TATDN2: variants seen among roughly 807,000 people sequenced by gnomAD.
The protein encoded by TATDN2 is 3'-5' RNA nuclease TATDN2.
Under a neutral mutation model 60.3 loss-of-function variants are expected in TATDN2, and 44 were observed. That is an observed-to-expected ratio of 0.73 (90% CI 0.57 to 0.94). TATDN2 has a LOEUF of 0.94. Among genes scored for constraint, TATDN2 ranks in the 40% least tolerant of loss-of-function variants. The pLI, the probability that TATDN2 is intolerant of heterozygous loss-of-function variation, is 0.00. For missense variants in TATDN2, 997 were observed against 948.0 expected (o/e 1.05, Z -0.68); for synonymous variants, 399 against 355.8 (o/e 1.12, Z -1.37).
At chr3:10,257,838 ATGAT>A (rs1698334381) in intron 2 of TATDN2, among the ~76,000 whole-genome samples, 1 of 49,254 alleles carries the variant, frequency 2.0e-5, no homozygotes, top group Non-Finnish European at 5.4e-5. Flanking sequence ...CTAAAGGTTT[ATGAT>A]TTTTTTTTTT....
At position 10,257,244 on chromosome 3, in the gene TATDN2, C is replaced by G. The variant is rs562968615; in HGVS notation, c.415-2893C>G. Among the ~76,000 whole-genome samples, 3 of 150,228 alleles carry G rather than the reference C, an allele frequency of 2.0e-5. No homozygotes were observed. In the South Asian group the frequency reaches 6.4e-4, roughly 32 times the overall value. On this transcript the variant is annotated intron_variant, in intron 2 of 7. Coordinates refer to ENST00000448281, the MANE Select transcript of TATDN2 (RefSeq NM_014760.4). ...GAGGTTGCAGCGAGCTGAGGTTACA[C>G]CCCGCACTCCAGCCTGGACAACAGA...
chr3:10,257,859 TTTTTTTTTTTTTTTTTTG>T lies in TATDN2; in HGVS notation c.415-2277_415-2260del, dbSNP rs1375148029. Among the ~76,000 whole-genome samples the T allele has an allele frequency of 2.0e-4, 19 of 93,444 alleles. No individual in the cohort carries two copies. The East Asian group carries it at 5.8e-3, about 28-fold the overall frequency. 61.3% of individuals were successfully genotyped at this position (93,444 alleles called of 152,430 possible). A position where few individuals can be genotyped will look rare whatever the true frequency, so the allele number is the denominator to read the frequency against. On this transcript the variant is annotated intron_variant, in intron 2 of 7. Transcript: ENST00000448281. ...GTTTATGATTTTTTTTTTTTTTTTTTTTTTTTTTTTTTTTTTTGGGAGATGGAGTCTTACTCTGTAGCC... is the reference window on the plus strand; with the variant it reads ...GTTTATGATTTTTTTTTTTTTTTTTTGGAGATGGAGTCTTACTCTGTAGCC...
intron 3 of TATDN2, among the ~76,000 whole-genome samples, chr3:10,266,923 A>G (rs1479850691): frequency 1.6e-5 from 2 of 123,400 alleles, no homozygotes; most frequent in Non-Finnish European, 3.5e-5. Flanking sequence ...TAAACTAACT[A>G]AGGCAGTCTT....
rs1177078074 is a variant in TATDN2 at position 10,270,300 on chromosome 3, A to G, written c.1118A>G (p.His373Arg). Reference protein sequence around the residue: ...FTTDYVMYPPHLYSSPWCDYA... With the variant: ...FTTDYVMYPPRLYSSPWCDYA... ...ACCGACTATGTCATGTACCCTCCTC[A>G]TTTGTACAGTAGTCCTTGGTGTGAC... is the stretch of plus-strand genomic sequence containing the variant. Residue 373 changes from histidine (H) to arginine (R), a missense_variant, in exon 4 of 8, where the codon CAT (histidine) becomes CGT (arginine). Coordinates refer to ENST00000448281, the MANE Select transcript of TATDN2 (RefSeq NM_014760.4). The G allele has an allele frequency of 6.2e-7, 1 of 1,613,924 alleles. No individual in the cohort carries two copies. Among genetic ancestry groups the G allele is most frequent in the Non-Finnish European group, 8.5e-7 (1 of 1,180,012 alleles).
chr3:10,254,081 G>GA (rs1698268484), intron 2 of TATDN2, among the ~76,000 whole-genome samples: 1 of 152,220 alleles, frequency 6.6e-6, no homozygotes, highest in South Asian at 2.1e-4. Flanking sequence ...TTGAGTGATA[G>GA]AGCTTTTGCA....
intron 2 of TATDN2, among the ~76,000 whole-genome samples, chr3:10,253,918 T>C (rs1369030861): frequency 6.6e-6 from 1 of 152,206 alleles, no homozygotes; most frequent in Non-Finnish European, 1.5e-5. Flanking sequence ...AAGCCAGTGT[T>C]CTCTGCACTG....
rs1698641571 is a variant in TATDN2 at position 10,276,602 on chromosome 3, T to C, written c.1961+114T>C. On this transcript the variant is annotated intron_variant, in intron 5 of 7. Coordinates refer to ENST00000448281, the MANE Select transcript of TATDN2 (RefSeq NM_014760.4). The stretch of plus-strand genomic sequence containing the variant: ...ATACACTATCTATTCTTTTTTTTTT[T>C]TTTCGAGACGGAATCTCACCCTGTC... 2.8e-6 allele frequency: 4 copies of C among 1,414,564 alleles called. No homozygotes were observed. In the East Asian group the frequency reaches 7.9e-5, roughly 28 times the overall value. The allele number at this position is 1,414,564 out of a possible 1,614,324, so 87.6% of individuals were successfully genotyped here. A position where few individuals can be genotyped will look rare whatever the true frequency, so the allele number is the denominator to read the frequency against.
At chr3:10,267,946 A>G (rs1698501656) in intron 3 of TATDN2, among the ~76,000 whole-genome samples, 1 of 152,218 alleles carries the variant, frequency 6.6e-6, no homozygotes, top group Non-Finnish European at 1.5e-5. Flanking sequence ...CAAGACTGTA[A>G]TTTTTTATTG....
At chr3:10,271,558 C>T (rs888057608) in intron 4 of TATDN2, among the ~76,000 whole-genome samples, 3 of 152,124 alleles carry the variant, frequency 2.0e-5, no homozygotes, top group African/African-American at 4.8e-5. Flanking sequence ...CCCGCCTTGG[C>T]CTCCGAAAGT....
chr3:10,277,003 A>G (rs1698649098), intron 5 of TATDN2, among the ~76,000 whole-genome samples: 1 of 151,718 alleles, frequency 6.6e-6, no homozygotes, highest in Non-Finnish European at 1.5e-5. Context: ...GTTTGAACTA[A>G]TAACCCTAAA....
intron 3 of TATDN2, among the ~76,000 whole-genome samples, chr3:10,261,671 T>C (rs1331456251): frequency 1.3e-5 from 2 of 152,182 alleles, no homozygotes; most frequent in East Asian, 3.9e-4. Context: ...CCAGGCCACA[T>C]TCCTCCATCT....
intron 2 of TATDN2, among the ~76,000 whole-genome samples, chr3:10,255,036 T>TCCCC (rs1698287947): frequency 7.5e-5 from 1 of 13,342 alleles, no homozygotes; most frequent in Non-Finnish European, 1.4e-4. Flanking sequence ...TCCCCCTCCC[T>TCCCC]CCTTTCCTGT....
chr3:10,261,888 T>C (rs144942078), intron 3 of TATDN2, among the ~76,000 whole-genome samples: 24 of 152,326 alleles, frequency 1.6e-4, no homozygotes, highest in African/African-American at 5.5e-4. Context: ...AGGGACACAT[T>C]AGCTTCCCCT....
chr3:10,257,854 T>TTTTTTTTTTTTTTTTC (rs1698336173), intron 2 of TATDN2, among the ~76,000 whole-genome samples: 1 of 82,604 alleles, frequency 1.2e-5, no homozygotes, highest in Non-Finnish European at 2.2e-5. Flanking sequence ...TTTTTTTTTT[T>TTTTTTTTTTTTTTTTC]TTTTTTTTTT....
rs3072531 is a variant in TATDN2, at chr3:10,257,294, T to TTATATATATA, written c.415-2833_415-2824dup. Among the ~76,000 whole-genome samples, 567 of 133,578 alleles carry TTATATATATA rather than the reference T, an allele frequency of 4.2e-3. 11 individuals are homozygous for TTATATATATA. Among genetic ancestry groups the TTATATATATA allele is most frequent in the African/African-American group, 0.015 (518 of 35,580 alleles). The allele number at this position is 133,578 out of a possible 152,430, so 87.6% of individuals were successfully genotyped here. On this transcript the variant is annotated intron_variant, in intron 2 of 7. Coordinates refer to ENST00000448281, the MANE Select transcript of TATDN2 (RefSeq NM_014760.4). ...AGTGAGATTTTGCCTCAAAAAAAAA[T>TTATATATATA]TATATATATATATATATATGAATTC...
chr3:10,257,776 C>A (rs541901264), intron 2 of TATDN2, among the ~76,000 whole-genome samples: 2 of 143,964 alleles, frequency 1.4e-5, no homozygotes, highest in South Asian at 2.2e-4. Flanking sequence ...CAGCTGCCAA[C>A]AGTTTGAGTA....
At position 10,278,847 on chromosome 3, in the gene TATDN2, A is replaced by C; in HGVS notation, c.2146-38A>C. The stretch of plus-strand genomic sequence containing the variant: ...AGTTCTAGATTATGACTGTGCACAC[A>C]TGGCACAATGATGTTATGACCACTT... On this transcript the variant is annotated intron_variant, in intron 6 of 7. Coordinates refer to ENST00000448281, the MANE Select transcript of TATDN2 (RefSeq NM_014760.4). The surrounding 1 kb of genome is among the most constrained non-coding windows in gnomAD (Gnocchi z 4.7). 1 of 1,613,872 alleles carries C rather than the reference A, an allele frequency of 6.2e-7. No homozygotes were observed. The highest frequency in any genetic ancestry group is 2.2e-5 in the East Asian group (1 of 44,886).
intron 3 of TATDN2, among the ~76,000 whole-genome samples, chr3:10,266,985 C>A (rs574084558): frequency 2.1e-5 from 3 of 139,984 alleles, no homozygotes; most frequent in Non-Finnish European, 3.0e-5. Context: ...GGTTGGAGTA[C>A]AGTGGCTCAC....
At chr3:10,266,699 A>G (rs1698479160) in intron 3 of TATDN2, among the ~76,000 whole-genome samples, 1 of 152,234 alleles carries the variant, frequency 6.6e-6, no homozygotes, top group African/African-American at 2.4e-5. Context: ...ACTGTATTCC[A>G]ATGAAACCTT....
Sources: allele counts gnomAD v4.1 joint callset (sites outside exome capture counted in the v4.1 genomes callset), GRCh38; gene constraint gnomAD v4.1.1; non-coding constraint Gnocchi (gnomAD v3.1); transcripts MANE v1.5; gene names NCBI Gene and HGNC (gene_info 2026-07-23, HGNC 2026-07-21).